PLCG2: variants seen among roughly 807,000 people sequenced by gnomAD.
PLCG2 encodes 1-phosphatidylinositol 4,5-bisphosphate phosphodiesterase gamma-2.
In PLCG2, 69 loss-of-function variants were observed where a neutral mutation model predicts 175.6. That is an observed-to-expected ratio of 0.39 (90% confidence interval 0.32 to 0.48). The LOEUF (loss-of-function observed/expected upper bound fraction) is 0.48. PLCG2 is among the 20% of genes least tolerant of loss of function. PLCG2 has a pLI of 0.91. For synonymous variants in PLCG2, 827 were observed against 624.0 expected, an observed-to-expected ratio of 1.33 and a Z score of -4.85; for missense variants, 1,798 against 1,650.9, an observed-to-expected ratio of 1.09 and a Z score of -1.54.
At chr16:81,895,694 A>G (rs1908851839) in intron 12 of PLCG2, 113 bp from the exon 13 acceptor site, 2 of 1,165,910 alleles carry the variant, frequency 1.7e-6, no homozygotes, top group African/African-American at 1.5e-5. Context: ...AGCCGAATGG[A>G]GGGAGTGTGG....
chr16:81,800,773 A>G (rs1911684402), intron 2 of PLCG2, among the ~76,000 whole-genome samples: 1 of 152,052 alleles, frequency 6.6e-6, no homozygotes, highest in Non-Finnish European at 1.5e-5. Context: ...GAGCCTGTGA[A>G]TATATTACTC....
intron 2 of PLCG2, among the ~76,000 whole-genome samples, chr16:81,758,671 A>ATC (rs953624319): frequency 7.4e-6 from 1 of 135,562 alleles, no homozygotes; most frequent in African/African-American, 2.6e-5. Flanking sequence ...GTTATTGTCC[A>ATC]TCTCTCTTTT....
chr16:81,876,306 A>T (rs911230187), intron 7 of PLCG2, among the ~76,000 whole-genome samples: 5 of 152,178 alleles, frequency 3.3e-5, no homozygotes, highest in African/African-American at 4.8e-5. Flanking sequence ...TATAGACATG[A>T]GCCACTGTGC....
chr16:81,960,283 A>G lies in PLCG2; in HGVS notation c.*2285A>G, dbSNP rs1224957946. 4.5e-6 allele frequency: 1 copy of G among 220,924 alleles called. No homozygotes were observed. Among genetic ancestry groups the G allele is most frequent in the Non-Finnish European group, 9.1e-6 (1 of 110,330 alleles). 13.7% of individuals were successfully genotyped at this position (220,924 alleles called of 1,614,324 possible). On this transcript the variant is annotated 3_prime_UTR_variant, in exon 33 of 33. Coordinates refer to ENST00000564138, the MANE Select transcript of PLCG2 (RefSeq NM_002661.5). ...CTTCCCAGAGTCTATGTGATGCTAC[A>G]TAACTTCAGTATCTAGCTGAGACAT... is the stretch of plus-strand genomic sequence containing the variant.
In PLCG2 at chr16:81,810,924, C is replaced by G. The variant is rs144554626; in HGVS notation, c.193+24742C>G. Among the ~76,000 whole-genome samples, 1,017 of 152,298 alleles carry G rather than the reference C, an allele frequency of 6.7e-3. 11 individuals carry two copies. Among genetic ancestry groups the G allele is most frequent in the African/African-American group, 0.023 (950 of 41,550 alleles). ...ATGAAGGTAACTTTTGCTTCCCTCT[C>G]TAAGAGGCACCAAGGGAGGTTATGC... On this transcript the variant is annotated intron_variant, in intron 2 of 32. Transcript: ENST00000564138.
At chr16:81,860,296 G>C (rs1906917584) in intron 5 of PLCG2, among the ~76,000 whole-genome samples, 1 of 151,152 alleles carries the variant, frequency 6.6e-6, no homozygotes, top group Non-Finnish European at 1.5e-5. Flanking sequence ...CCGTGTTGAT[G>C]CACAGAGCGC....
Position 81,785,981 on chromosome 16 carries a change from C to A in PLCG2, c.-9C>A, listed in dbSNP as rs752145398. On this transcript the variant is annotated 5_prime_UTR_variant, in exon 2 of 33. Transcript: ENST00000564138. ...CCCGATTCCTTCCTTCTCCCTGGAG[C>A]GGCCGACAATGTCCACCACGGTCAA... is the stretch of plus-strand genomic sequence containing the variant. 6.2e-7 allele frequency: 1 copy of A among 1,609,596 alleles called. No individual in the cohort carries two copies. Among genetic ancestry groups the A allele is most frequent in the South Asian group, 1.1e-5 (1 of 90,816 alleles).
At chr16:81,780,916 A>T (rs1033075936) in intron 1 of PLCG2, among the ~76,000 whole-genome samples, 6 of 151,962 alleles carry the variant, frequency 3.9e-5, no homozygotes, top group African/African-American at 1.5e-4. Flanking sequence ...AATCCCAGCT[A>T]CCCAGGAGGC....
At chr16:81,809,198 C>T (rs917592168) in intron 2 of PLCG2, among the ~76,000 whole-genome samples, 2 of 152,114 alleles carry the variant, frequency 1.3e-5, no homozygotes, top group African/African-American at 4.8e-5. Context: ...CAGCACACAC[C>T]TCTGCACACC....
chr16:81,758,457 A>G (rs1407453506), intron 2 of PLCG2, among the ~76,000 whole-genome samples: 1 of 152,130 alleles, frequency 6.6e-6, no homozygotes, highest in Non-Finnish European at 1.5e-5. Flanking sequence ...TGCTGCTGTT[A>G]ACATTTATGT....
At chr16:81,943,637 C>G (rs999837139) in intron 30 of PLCG2, among the ~76,000 whole-genome samples, 5 of 152,144 alleles carry the variant, frequency 3.3e-5, no homozygotes, top group Admixed American at 6.5e-5. Flanking sequence ...CCAGACTTCC[C>G]AAGTCAGAAT....
In PLCG2 at chr16:81,910,531, G is replaced by A. The variant is rs200325678; in HGVS notation, c.1745G>A (p.Arg582Gln). ...TCCTCTCCCCGCAGGCGGTCAGGCC[G>A]GGTCCAGCACTGCCGGATCCGCTCC... ...DYTLSFWRSG[R>Q]VQHCRIRSTM... Residue 582 changes from arginine (R) to glutamine (Q), a missense_variant, in exon 18 of 33, where the codon CGG becomes CAG. Arg to Gln is a conservative substitution (Grantham distance 43). Coordinates refer to ENST00000564138, the MANE Select transcript of PLCG2 (RefSeq NM_002661.5). 5 of 1,613,964 alleles carry A rather than the reference G, an allele frequency of 3.1e-6. No individual in the cohort carries two copies. Among genetic ancestry groups the A allele is most frequent in the Admixed American group, 1.7e-5 (1 of 60,036 alleles).
chr16:81,818,068 C>T (rs139280368), intron 2 of PLCG2, among the ~76,000 whole-genome samples: 24 of 152,312 alleles, frequency 1.6e-4, no homozygotes, highest in Non-Finnish European at 3.1e-4. Context: ...TCCTCTCTGT[C>T]GGCTCGTGTC....
chr16:81,938,892 A>G lies in PLCG2; in HGVS notation c.3290A>G (p.Asn1097Ser). 1.2e-6 allele frequency: 2 copies of G among 1,610,814 alleles called. No individual in the cohort carries two copies. Among genetic ancestry groups the G allele is most frequent in the Non-Finnish European group, 1.7e-6 (2 of 1,177,510 alleles). Reference sequence around the variant, plus strand: ...ATCTGTGGAGCCGAGTATGACAACAACAAGTTCAAGACGACGGTTGTGAGT... The same window carrying G: ...ATCTGTGGAGCCGAGTATGACAACAGCAAGTTCAAGACGACGGTTGTGAGT... ...VEICGAEYDN[N>S]KFKTTVVNDN... The change falls in exon 29 of 33, where the codon AAC becomes AGC. Residue 1097 changes from asparagine (N) to serine (S), a missense_variant. Transcript: ENST00000564138.
intron 2 of PLCG2, among the ~76,000 whole-genome samples, chr16:81,831,476 C>T (rs927099860): frequency 5.3e-5 from 8 of 152,212 alleles, no homozygotes; most frequent in African/African-American, 7.2e-5. Context: ...CATGTCAATG[C>T]CACGAAACTG....
chr16:81,941,076 A>ATTGT (rs1021445698), intron 30 of PLCG2, among the ~76,000 whole-genome samples: 1 of 152,172 alleles, frequency 6.6e-6, no homozygotes, highest in African/African-American at 2.4e-5. Context: ...GTCTTTTGAT[A>ATTGT]TTGTTTGGAA....
intron 23 of PLCG2, 96 bp downstream of exon 23, chr16:81,927,274 G>A: frequency 1.2e-6 from 1 of 800,636 alleles, no homozygotes; most frequent in East Asian, 2.4e-5. Flanking sequence ...ATTTTTCCAT[G>A]TGCTGCTTGT....
At chr16:81,762,563 C>T (rs538413103) in intron 2 of PLCG2, among the ~76,000 whole-genome samples, 3 of 148,146 alleles carry the variant, frequency 2.0e-5, no homozygotes, top group Admixed American at 6.7e-5. Context: ...AGTGAGACTC[C>T]GTCTCAAAAA....
At chr16:81,796,128 G>C (rs1054100707) in intron 2 of PLCG2, among the ~76,000 whole-genome samples, 10 of 152,234 alleles carry the variant, frequency 6.6e-5, no homozygotes, top group Admixed American at 3.9e-4. Context: ...TGCATGGAAA[G>C]GGAAGTGGTG....
Sources: gnomAD v4.1 joint callset for allele counts (sites outside exome capture counted in the v4.1 genomes callset) on GRCh38, gnomAD v4.1.1 for gene constraint, MANE v1.5 for transcripts, NCBI Gene and HGNC (gene_info 2026-07-23, HGNC 2026-07-21) for gene names.